The following HUWE1 variants were observed in gnomAD, a reference collection of about 807,000 sequenced individuals.
The protein encoded by HUWE1 is E3 ubiquitin-protein ligase HUWE1.
HUWE1 carries 18 observed loss-of-function variants against 299.4 expected under a neutral mutation model. The ratio of observed to expected loss-of-function variants is 0.06; its 90% confidence interval spans 0.04 to 0.09. HUWE1 has a LOEUF of 0.09. Ranked by LOEUF, HUWE1 falls within the 10% of genes least tolerant of loss-of-function variation. HUWE1 has a pLI of 1.00. For missense variants in HUWE1, 1,832 were observed against 3,462.3 expected (o/e 0.53, Z 11.82); for synonymous variants, 1,317 against 1,286.1 (o/e 1.02, Z -0.51).
At position 53,562,106 on chromosome X, in the gene HUWE1, C is replaced by G. The variant is rs781797747; in HGVS notation, c.7338+5G>C. 8.3e-7 allele frequency: 1 copy of G among 1,209,784 alleles called. No individual in the cohort carries two copies. Among genetic ancestry groups the G allele is most frequent in the Non-Finnish European group, 1.1e-6 (1 of 893,964 alleles). ...TGAACCAACCCAAACGCAGTCCCCC[C>G]TCACCTGATCATCTTCCTCATCTTC... On this transcript the variant is annotated splice_donor_5th_base_variant and intron_variant, in intron 54 of 83. Transcript: ENST00000262854.
chrX:53,602,488 T>C, intron 28 of HUWE1, 76 bp downstream of exon 28: 1 of 618,913 alleles, frequency 1.6e-6, no homozygotes, highest in East Asian at 3.5e-5. Flanking sequence ...TAACTAAAAA[T>C]TTTCATAATA....
chrX:53,620,486 A>C (rs1557011404), intron 19 of HUWE1, among the ~76,000 whole-genome samples: 1 of 111,302 alleles, frequency 9.0e-6, no homozygotes, highest in Non-Finnish European at 1.9e-5. Context: ...AGGCTCAAGC[A>C]ATCTGCCTGT....
intron 82 of HUWE1, 72 bp from the exon 83 acceptor site, chrX:53,534,269 T>G: frequency 4.3e-6 from 4 of 934,536 alleles, no homozygotes; most frequent in South Asian, 4.0e-5. Flanking sequence ...GGATGGAATC[T>G]AGGAAACAGG....
chrX:53,579,034 G>T (rs1269461538), intron 43 of HUWE1, among the ~76,000 whole-genome samples: 1 of 79,406 alleles, frequency 1.3e-5, no homozygotes, highest in African/African-American at 5.0e-5. Flanking sequence ...GGAGGCGGGG[G>T]GGGGGGTCGG....
At chrX:53,647,642 A>T in intron 5 of HUWE1, 68 bp from the exon 6 acceptor site, 1 of 806,466 alleles carries the variant, frequency 1.2e-6, no homozygotes, top group South Asian at 2.0e-5. Flanking sequence ...TTTCTAACTG[A>T]GCTTTGTTAC....
At chrX:53,574,031 G>A (rs782069850) in intron 46 of HUWE1, 67 bp from the exon 47 acceptor site, 24 of 937,752 alleles carry the variant, frequency 2.6e-5, no homozygotes, top group Non-Finnish European at 3.5e-5. Flanking sequence ...AGTCTTAGGT[G>A]GAAAAGAATG....
At chrX:53,603,008 C>T (rs782054326) in intron 27 of HUWE1, among the ~76,000 whole-genome samples, 12 of 110,153 alleles carry the variant, frequency 1.1e-4, no homozygotes, top group African/African-American at 3.6e-4. Context: ...CCCGCCATTA[C>T]GCCCAGCTAA....
chrX:53,661,304 G>T (rs1418804614), intron 3 of HUWE1, among the ~76,000 whole-genome samples: 1 of 112,240 alleles, frequency 8.9e-6, no homozygotes, highest in Non-Finnish European at 1.9e-5. Context: ...AAAGTGCTGG[G>T]ATTACAGGCG....
intron 60 of HUWE1, 62 bp downstream of exon 60, chrX:53,557,320 A>T: frequency 9.9e-7 from 1 of 1,012,458 alleles, no homozygotes; most frequent in Non-Finnish European, 1.4e-6. Context: ...GCTACTCGGA[A>T]CTATCAGGAT....
chrX:53,535,273 G>C lies in HUWE1; in HGVS notation c.12649+111C>G, dbSNP rs1288734506. The C allele has an allele frequency of 8.8e-6, 5 of 566,271 alleles. No homozygotes were observed. In the East Asian group the frequency reaches 1.7e-4, roughly 19 times the overall value. The allele number at this position is 566,271 out of a possible 1,213,427, so 46.7% of individuals were successfully genotyped here. A position where few individuals can be genotyped will look rare whatever the true frequency, so the allele number is the denominator to read the frequency against. On this transcript the variant is annotated intron_variant, in intron 81 of 83. Transcript: ENST00000262854. ...ATCAAGTGTTTTGTCTTTTGTGCAA[G>C]GCATTTGTGGCTCTGTCATAGCAGA...
rs1569518062 is a variant in HUWE1 at position 53,686,645 on chromosome X, T to TGCTC, written c.-320_-319insGAGC. On this transcript the variant is annotated 5_prime_UTR_variant, in exon 1 of 84. Transcript: ENST00000262854. Reference sequence around the variant, plus strand: ...AGCGTGCGGGGTCCGCGGCCCTGCTTCAGCCCTGCTTCAGCCCTGCTCCAG... The same window carrying TGCTC: ...AGCGTGCGGGGTCCGCGGCCCTGCTTGCTCCAGCCCTGCTTCAGCCCTGCTCCAG... 4.3e-4 allele frequency: 48 copies of TGCTC among 111,892 alleles called. 1 individual carries two copies. Among genetic ancestry groups the TGCTC allele is most frequent in the Middle Eastern group, 4.8e-3 (1 of 209 alleles). 9.2% of individuals were successfully genotyped at this position (111,892 alleles called of 1,213,427 possible).
intron 49 of HUWE1, among the ~76,000 whole-genome samples, chrX:53,568,450 T>G (rs1556947637): frequency 2.7e-5 from 3 of 110,771 alleles, no homozygotes; most frequent in Admixed American, 1.9e-4. Flanking sequence ...AATCTTCTAA[T>G]AAGTGGTAAT....
intron 72 of HUWE1, among the ~76,000 whole-genome samples, chrX:53,544,232 G>C (rs1382986428): frequency 8.9e-6 from 1 of 111,864 alleles, no homozygotes; most frequent in Non-Finnish European, 1.9e-5. Flanking sequence ...AAAATGATTT[G>C]TCAAGCCACG....
chrX:53,633,980 T>C (rs181667891), intron 8 of HUWE1, among the ~76,000 whole-genome samples: 1 of 111,743 alleles, frequency 8.9e-6, no homozygotes, highest in Non-Finnish European at 1.9e-5. Context: ...CAAATACAGC[T>C]ACCTACTCAA....
intron 2 of HUWE1, among the ~76,000 whole-genome samples, chrX:53,685,273 A>C: frequency 8.9e-6 from 1 of 112,260 alleles, no homozygotes; most frequent in Non-Finnish European, 1.9e-5. Context: ...GTTCCAAAAA[A>C]ACTTGGTATA....
At chrX:53,634,408 T>C in intron 7 of HUWE1, 110 bp from the exon 8 acceptor site, 3 of 554,100 alleles carry the variant, frequency 5.4e-6, no homozygotes, top group East Asian at 7.0e-5. Context: ...TCTCTATGTA[T>C]ATACACATAC....
At chrX:53,593,827 G>A (rs782060314) in intron 31 of HUWE1, among the ~76,000 whole-genome samples, 16 of 112,102 alleles carry the variant, frequency 1.4e-4, no homozygotes, top group Middle Eastern at 4.6e-3. Flanking sequence ...AGCTGGGCGC[G>A]GTGGCTCACG....
At chrX:53,625,982 G>A in intron 17 of HUWE1, 1 of 385,467 alleles carries the variant, frequency 2.6e-6, no homozygotes, top group Non-Finnish European at 5.2e-6. Flanking sequence ...CATCCAGCCT[G>A]TGCTCCATAG....
In HUWE1 at chrX:53,585,994, G is replaced by A. The variant is rs1569472536; in HGVS notation, c.4824+496C>T. ...GTGAGCCTACAGTGCCCAGCCTATG[G>A]TTTATAAATTAGTCCGTGGTATTAC... On this transcript the variant is annotated intron_variant, in intron 39 of 83. Coordinates refer to ENST00000262854, the MANE Select transcript of HUWE1 (RefSeq NM_031407.7). 1.8e-5 allele frequency among the ~76,000 whole-genome samples: 2 copies of A among 112,154 alleles called. 1 individual carries two copies. Among genetic ancestry groups the A allele is most frequent in the East Asian group, 5.6e-4 (2 of 3,577 alleles).
Sources: allele counts gnomAD v4.1 joint callset (sites outside exome capture counted in the v4.1 genomes callset), GRCh38; gene constraint gnomAD v4.1.1; transcripts MANE v1.5; gene names NCBI Gene and HGNC (gene_info 2026-07-23, HGNC 2026-07-21).